MACROD2: variants seen among roughly 807,000 people sequenced by gnomAD.
MACROD2 encodes the protein mono-ADP ribosylhydrolase 2.
Under a neutral mutation model 70.4 loss-of-function variants are expected in MACROD2, and 36 were observed. The observed-to-expected ratio is 0.51, with a 90% CI of 0.39 to 0.68. The LOEUF is 0.68. MACROD2 is among the 30% of genes least tolerant of loss of function. The probability of loss-of-function intolerance (pLI) is 0.00; values close to 1 mark genes in which losing one functional copy is unlikely to be tolerated. For synonymous variants in MACROD2, 172 were observed against 178.8 expected (o/e 0.96, Z 0.30); for missense variants, 496 against 538.4 (o/e 0.92, Z 0.78).
intron 6 of MACROD2, among the ~76,000 whole-genome samples, chr20:15,411,560 A>G (rs759008538): frequency 2.6e-5 from 4 of 152,222 alleles, no homozygotes; most frequent in Admixed American, 6.5e-5. Context: ...CTATGATTGC[A>G]TGGATTTGAA....
chr20:15,686,608 C>G (rs371309282), intron 8 of MACROD2, among the ~76,000 whole-genome samples: 33 of 152,152 alleles, frequency 2.2e-4, no homozygotes, highest in African/African-American at 6.8e-4. Flanking sequence ...CATGGTGGCT[C>G]ATGCCTGTAA....
chr20:14,829,793 A>T (rs997938539), intron 5 of MACROD2, among the ~76,000 whole-genome samples: 3 of 152,162 alleles, frequency 2.0e-5, no homozygotes, highest in Non-Finnish European at 4.4e-5. Flanking sequence ...CATTGAATCA[A>T]TTATTTTATT....
chr20:14,431,562 C>T (rs1042802583), intron 3 of MACROD2, among the ~76,000 whole-genome samples: 19 of 152,048 alleles, frequency 1.2e-4, no homozygotes, highest in African/African-American at 4.3e-4. Flanking sequence ...GAAAGAAATT[C>T]AGCTGTCAAT....
chr20:14,115,733 A>AT (rs1444457332), intron 3 of MACROD2, among the ~76,000 whole-genome samples: 1 of 152,128 alleles, frequency 6.6e-6, no homozygotes, highest in African/African-American at 2.4e-5. Context: ...AGATTTGTGT[A>AT]TTTTTTCTTC....
intron 8 of MACROD2, among the ~76,000 whole-genome samples, chr20:15,842,425 C>A (rs916054909): frequency 1.3e-5 from 2 of 150,682 alleles, no homozygotes; most frequent in Non-Finnish European, 2.9e-5. Flanking sequence ...GGACCCAGAA[C>A]CAATGAGCCA....
intron 10 of MACROD2, among the ~76,000 whole-genome samples, chr20:15,887,838 G>C (rs175788): frequency 6.6e-6 from 1 of 152,120 alleles, no homozygotes; most frequent in East Asian, 1.9e-4. Context: ...AAAAATAGTC[G>C]GATATTTTAC....
intron 8 of MACROD2, among the ~76,000 whole-genome samples, chr20:15,643,547 G>GGTTT (rs34257433): frequency 0.18 from 27,959 of 152,014 alleles, 2,732 homozygotes; most frequent in East Asian, 0.26. Context: ...TATGGAATAT[G>GGTTT]GTTTGTTTGT....
At chr20:14,249,899 A>AC (rs1450282698) in intron 3 of MACROD2, among the ~76,000 whole-genome samples, 1 of 152,130 alleles carries the variant, frequency 6.6e-6, no homozygotes, top group African/African-American at 2.4e-5. Flanking sequence ...ACACCCAGAC[A>AC]CGGGGGTGGG....
chr20:14,979,755 C>A (rs2074780278), intron 5 of MACROD2, among the ~76,000 whole-genome samples: 1 of 152,128 alleles, frequency 6.6e-6, no homozygotes, highest in Non-Finnish European at 1.5e-5. Context: ...CCTTTGTTGT[C>A]ACGTTGGAAA....
chr20:14,842,349 A>G (rs1664879263), intron 5 of MACROD2, among the ~76,000 whole-genome samples: 1 of 152,096 alleles, frequency 6.6e-6, no homozygotes, highest in Non-Finnish European at 1.5e-5. Context: ...TGGAGGGGAC[A>G]TTCAAACCAT....
At chr20:14,303,598 T>C (rs1420923351) in intron 3 of MACROD2, among the ~76,000 whole-genome samples, 1 of 152,230 alleles carries the variant, frequency 6.6e-6, no homozygotes, top group Non-Finnish European at 1.5e-5. Flanking sequence ...TCTTTCTGAC[T>C]CCACCATGTG....
At chr20:14,327,834 G>A (rs1326395416) in intron 3 of MACROD2, among the ~76,000 whole-genome samples, 1 of 151,806 alleles carries the variant, frequency 6.6e-6, no homozygotes, top group Admixed American at 6.6e-5. Context: ...AAGTTTTATT[G>A]AATAATCCAA....
At chr20:15,349,031 T>G (rs2078198024) in intron 6 of MACROD2, among the ~76,000 whole-genome samples, 1 of 152,238 alleles carries the variant, frequency 6.6e-6, no homozygotes, top group Non-Finnish European at 1.5e-5. Context: ...TTTTATTTTT[T>G]TAATGGGTTA....
At chr20:15,477,796 T>A (rs1244549204) in intron 7 of MACROD2, among the ~76,000 whole-genome samples, 2 of 152,174 alleles carry the variant, frequency 1.3e-5, no homozygotes, top group African/African-American at 4.8e-5. Flanking sequence ...GGGAGGATTC[T>A]GGATGATCCA....
chr20:15,804,588 A>G (rs944899314), intron 8 of MACROD2, among the ~76,000 whole-genome samples: 1 of 152,206 alleles, frequency 6.6e-6, no homozygotes, highest in African/African-American at 2.4e-5. Context: ...AAAAGTCACT[A>G]AGGTATGTTC....
intron 6 of MACROD2, among the ~76,000 whole-genome samples, chr20:15,331,116 G>A (rs769682862): frequency 5.3e-4 from 81 of 151,630 alleles, no homozygotes; most frequent in South Asian, 2.1e-4. Context: ...TAACACATGC[G>A]AATGTGTTCA....
intron 8 of MACROD2, among the ~76,000 whole-genome samples, chr20:15,811,620 C>T (rs1341880625): frequency 1.3e-5 from 2 of 152,034 alleles, no homozygotes; most frequent in African/African-American, 4.8e-5. Flanking sequence ...CAAGCCTGAT[C>T]TCTTTTATTT....
intron 5 of MACROD2, among the ~76,000 whole-genome samples, chr20:15,047,189 T>A (rs966942854): frequency 5.9e-5 from 9 of 152,224 alleles, no homozygotes; most frequent in African/African-American, 1.9e-4. Context: ...TGATTGAGGA[T>A]ACGTGATTGA....
In MACROD2 at chr20:14,837,239, A is replaced by T. The variant is rs531835382; in HGVS notation, c.418+152280A>T. The stretch of plus-strand genomic sequence containing the variant: ...CATGAACTTTGTCTTTCCAAAGACC[A>T]TAGAATGGGCTATGAGTGAATATCT... On this transcript the variant is annotated intron_variant, in intron 5 of 17. Transcript: ENST00000684519. 1.2e-4 allele frequency among the ~76,000 whole-genome samples: 19 copies of T among 152,194 alleles called. 1 individual carries two copies. The South Asian group carries it at 3.9e-3, about 32-fold the overall frequency.
Sources: allele counts gnomAD v4.1 joint callset (sites outside exome capture counted in the v4.1 genomes callset), GRCh38; gene constraint gnomAD v4.1.1; transcripts MANE v1.5; gene names NCBI Gene and HGNC (gene_info 2026-07-23, HGNC 2026-07-21).